APLP2: variants seen among roughly 807,000 people sequenced by gnomAD.
The protein encoded by APLP2 is CDEI box-binding protein.
APLP2 carries 53 observed loss-of-function variants against 89.9 expected under a neutral mutation model. The observed-to-expected ratio is 0.59, with a 90% CI of 0.47 to 0.74. The LOEUF is 0.74. Among genes scored for constraint, APLP2 ranks in the 30% least tolerant of loss-of-function variants. The probability of loss-of-function intolerance (pLI) is 0.00; values close to 1 mark genes in which losing one functional copy is unlikely to be tolerated. For synonymous variants in APLP2, 372 were observed against 348.6 expected, an observed-to-expected ratio of 1.07 and a Z score of -0.75; for missense variants, 973 against 975.9, an observed-to-expected ratio of 1.00 and a Z score of 0.04.
chr11:130,095,034 G>A (rs995501502), intron 1 of APLP2, among the ~76,000 whole-genome samples: 1 of 152,216 alleles, frequency 6.6e-6, no homozygotes. Context: ...AGTAAAAGAA[G>A]ATGCAGTTGC....
intron 1 of APLP2, among the ~76,000 whole-genome samples, chr11:130,094,257 TG>T (rs896204271): frequency 2.6e-5 from 4 of 151,684 alleles, no homozygotes; most frequent in African/African-American, 9.7e-5. Flanking sequence ...TTCTCCATGT[TG>T]GTCAGGCTGT....
chr11:130,070,029 C>T lies in APLP2; in HGVS notation c.52C>T (p.Leu18=). The T allele has an allele frequency of 1.3e-6, 2 of 1,514,934 alleles. No homozygotes were observed. The highest frequency in any genetic ancestry group is 1.8e-6 in the Non-Finnish European group (2 of 1,138,922). 93.8% of individuals were successfully genotyped at this position (1,514,934 alleles called of 1,614,324 possible). ...CGCAGCCACGGGCAGGCTCCTGCTTCTGCTGCTGGTGGGGCTCACGGCGCC... is the reference window on the plus strand; with the variant it reads ...CGCAGCCACGGGCAGGCTCCTGCTTTTGCTGCTGGTGGGGCTCACGGCGCC... ...AAAATGRLLL[L]LLVGLTAPAL... The change falls in exon 1 of 17, where the codon CTG becomes TTG. Residue 18 remains leucine (L), a synonymous_variant. Coordinates refer to ENST00000338167, the MANE Select transcript of APLP2 (RefSeq NM_001142276.2).
chr11:130,103,003 T>C (rs73585104), intron 1 of APLP2, among the ~76,000 whole-genome samples: 7,780 of 152,274 alleles, frequency 0.051, 536 homozygotes, highest in East Asian at 0.24. Context: ...CATGGGGCAT[T>C]AATTTTTTTG....
intron 1 of APLP2, among the ~76,000 whole-genome samples, chr11:130,080,346 A>G (rs1942933168): frequency 1.3e-5 from 2 of 152,010 alleles, no homozygotes; most frequent in African/African-American, 2.4e-5. Context: ...CTGGGATTAC[A>G]GGCGCCAGCC....
Position 130,120,071 on chromosome 11 carries a change from A to G in APLP2, c.404-635A>G, listed in dbSNP as rs149487884. Among the ~76,000 whole-genome samples, 201 of 152,308 alleles carry G rather than the reference A, an allele frequency of 1.3e-3. 2 individuals are homozygous for G. Among genetic ancestry groups the G allele is most frequent in the Non-Finnish European group, 1.9e-4 (13 of 68,040 alleles). On this transcript the variant is annotated intron_variant, in intron 3 of 16. Coordinates refer to ENST00000338167, the MANE Select transcript of APLP2 (RefSeq NM_001142276.2). ...AGTGTTTTAGCATGATTAGATTCAAATGATAATATATTTTGGCAGAAATAC... is the reference window on the plus strand; with the variant it reads ...AGTGTTTTAGCATGATTAGATTCAAGTGATAATATATTTTGGCAGAAATAC...
At chr11:130,130,538 A>G (rs1187977842) in intron 11 of APLP2, among the ~76,000 whole-genome samples, 1 of 152,192 alleles carries the variant, frequency 6.6e-6, no homozygotes, top group Non-Finnish European at 1.5e-5. Flanking sequence ...TTAGACAGAC[A>G]CTTTTACATT....
Position 130,140,453 on chromosome 11 carries a change from T to A in APLP2, c.1893T>A (p.Ile631=). The A allele has an allele frequency of 3.1e-6, 5 of 1,611,416 alleles. No individual in the cohort carries two copies. The highest frequency in any genetic ancestry group is 4.2e-6 in the Non-Finnish European group (5 of 1,178,944). ...GGLIGAEEKV[I]NSKNKVDENM... The stretch of plus-strand genomic sequence containing the variant: ...TGATCGGTGCCGAAGAGAAAGTGAT[T>A]AACAGTAAGAATAAAGTGGATGAAA... The change falls in exon 14 of 17, where the codon ATT becomes ATA. Residue 631 remains isoleucine, a synonymous_variant. Coordinates refer to ENST00000338167, the MANE Select transcript of APLP2 (RefSeq NM_001142276.2).
chr11:130,135,571 CT>C lies in APLP2; in HGVS notation c.1695del (p.Gln566ArgfsTer23). 1 of 1,614,112 alleles carries C rather than the reference CT, an allele frequency of 6.2e-7. No homozygotes were observed. Among genetic ancestry groups the C allele is most frequent in the South Asian group, 1.1e-5 (1 of 91,082 alleles). On this transcript the variant is annotated frameshift_variant, in exon 13 of 17. Coordinates refer to ENST00000338167, the MANE Select transcript of APLP2 (RefSeq NM_001142276.2). LOFTEE classifies it high-confidence loss of function. ...TGCCCTGTCTTCATCAGATGAGCTC[CT>C]TCAGGAGCAGCGTGCAGATATGGAC... is the stretch of plus-strand genomic sequence containing the variant. ...QEIQEEIDEL[L>X]QEQRADMDQF...
At chr11:130,092,747 A>G (rs1945595307) in intron 1 of APLP2, among the ~76,000 whole-genome samples, 1 of 151,340 alleles carries the variant, frequency 6.6e-6, no homozygotes, top group South Asian at 2.1e-4. Context: ...TGTCTTGATG[A>G]TAGAATACCA....
At chr11:130,099,763 G>T (rs1946659712) in intron 1 of APLP2, among the ~76,000 whole-genome samples, 1 of 152,226 alleles carries the variant, frequency 6.6e-6, no homozygotes, top group Admixed American at 6.5e-5. Context: ...AGGATGGCCA[G>T]TCATGTGGGG....
intron 1 of APLP2, among the ~76,000 whole-genome samples, chr11:130,104,631 G>A (rs11221962): frequency 0.1 from 15,367 of 152,138 alleles, 1,186 homozygotes; most frequent in African/African-American, 0.21. Flanking sequence ...CTATGAATAG[G>A]TGTGTGTTCC....
chr11:130,135,830 C>A, intron 13 of APLP2, 115 bp downstream of exon 13: 1 of 1,304,646 alleles, frequency 7.7e-7, no homozygotes, highest in Non-Finnish European at 1.1e-6. Flanking sequence ...CTGCGAGAGT[C>A]AGGGGAAGGG....
Position 130,129,008 on chromosome 11 carries a change from G to C in APLP2, c.1297-40G>C, listed in dbSNP as rs764159449. ...GGGTGCTTGCTTAGGCTTCCTCTGGGTGCCACAAATCATGTGTGGTTCCTG... is the reference window on the plus strand; with the variant it reads ...GGGTGCTTGCTTAGGCTTCCTCTGGCTGCCACAAATCATGTGTGGTTCCTG... On this transcript the variant is annotated intron_variant, in intron 9 of 16. Transcript: ENST00000338167. 5.9e-5 allele frequency: 94 copies of C among 1,588,580 alleles called. 2 individuals are homozygous for C. In the South Asian group the frequency reaches 6.7e-4, roughly 11 times the overall value.
In APLP2 at chr11:130,141,521, T is replaced by C. The variant is rs1952387329; in HGVS notation, c.1947T>C (p.Val649=). Residue 649 remains valine, a synonymous_variant, in exon 15 of 17, where the codon GTT becomes GTC. Transcript: ENST00000338167. This position sits in a 1 kb window ranked among gnomAD's most constrained non-coding sequence, Gnocchi z 4.2. ...ENMVIDETLD[V]KEMIFNAERV... is the part of the protein sequence containing the mutation. ...AGGTCATTGACGAGACTCTGGATGT[T>C]AAGGAAATGATTTTCAATGCCGAGA... 1 of 1,613,908 alleles carries C rather than the reference T, an allele frequency of 6.2e-7. No individual in the cohort carries two copies. Among genetic ancestry groups the C allele is most frequent in the Non-Finnish European group, 8.5e-7 (1 of 1,179,952 alleles).
At chr11:130,111,867 G>A (rs554661299) in intron 3 of APLP2, among the ~76,000 whole-genome samples, 34 of 152,248 alleles carry the variant, frequency 2.2e-4, no homozygotes, top group African/African-American at 8.2e-4. Flanking sequence ...GATTATCCTG[G>A]AATATTTGTA....
In APLP2 at chr11:130,127,817, G is replaced by A; in HGVS notation, c.1273G>A (p.Ala425Thr). The A allele has an allele frequency of 6.2e-7, 1 of 1,614,148 alleles. No homozygotes were observed. Among genetic ancestry groups the A allele is most frequent in the Non-Finnish European group, 8.5e-7 (1 of 1,179,988 alleles). ...GCTTCAAGCTAAGAACCTCCCCAAA[G>A]CAGAGAGGCAGACTCTGATTCAGGT... ...AELQAKNLPKAERQTLIQHFQ... is the reference protein window; with the variant it reads ...AELQAKNLPKTERQTLIQHFQ... Residue 425 changes from alanine to threonine, a missense_variant, in exon 9 of 17, where the codon GCA becomes ACA. Coordinates refer to ENST00000338167, the MANE Select transcript of APLP2 (RefSeq NM_001142276.2).
At chr11:130,094,444 C>T (rs964074623) in intron 1 of APLP2, among the ~76,000 whole-genome samples, 8 of 152,146 alleles carry the variant, frequency 5.3e-5, no homozygotes, top group African/African-American at 1.9e-4. Context: ...TCACCTCGGC[C>T]TCCCAAAGTG....
In APLP2 at chr11:130,123,631, G is replaced by A. The variant is rs753157155; in HGVS notation, c.942G>A (p.Ala314=). ...ACACAGCTGTCTGCTCCCAGGAGGC[G>A]ATGACGGGGCCCTGCCGGGCCGTGA... ...HDVKAVCSQE[A]MTGPCRAVMP... The change falls in exon 7 of 17, where the codon GCG becomes GCA. Residue 314 remains alanine (A), a synonymous_variant. Transcript: ENST00000338167. The surrounding 1 kb of genome is among the most constrained non-coding windows in gnomAD (Gnocchi z 4.0). 5.8e-5 allele frequency: 94 copies of A among 1,614,082 alleles called. No homozygotes were observed. The highest frequency in any genetic ancestry group is 1.7e-4 in the Middle Eastern group (1 of 6,040).
intron 1 of APLP2, among the ~76,000 whole-genome samples, chr11:130,107,347 G>T (rs1197240002): frequency 1.3e-5 from 2 of 152,170 alleles, no homozygotes; most frequent in Non-Finnish European, 2.9e-5. Flanking sequence ...GGGATTGAGG[G>T]TTAGATTTTT....
Sources: gnomAD v4.1 joint callset for allele counts (sites outside exome capture counted in the v4.1 genomes callset) on GRCh38, gnomAD v4.1.1 for gene constraint, Gnocchi (gnomAD v3.1) non-coding constraint, MANE v1.5 for transcripts, NCBI Gene and HGNC (gene_info 2026-07-23, HGNC 2026-07-21) for gene names.